PTPRG: variants seen among roughly 807,000 people sequenced by gnomAD.
PTPRG encodes protein tyrosine phosphatase receptor type G.
PTPRG carries 102 observed loss-of-function variants against 165.3 expected under a neutral mutation model. The ratio of observed to expected loss-of-function variants is 0.62; its 90% CI spans 0.53 to 0.73. The LOEUF (loss-of-function observed/expected upper bound fraction) is 0.73. Among genes scored for constraint, PTPRG ranks in the 30% least tolerant of loss-of-function variants. PTPRG has a pLI of 0.00. For missense variants in PTPRG, 1,866 were observed against 1,861.4 expected, an observed-to-expected ratio of 1.00 and a Z score of -0.05; for synonymous variants, 675 against 669.5, an observed-to-expected ratio of 1.01 and a Z score of -0.13.
chr3:62,059,701 A>T (rs902644649), intron 4 of PTPRG, among the ~76,000 whole-genome samples: 2 of 152,052 alleles, frequency 1.3e-5, no homozygotes, highest in East Asian at 3.9e-4. Context: ...CCCAAATCTC[A>T]TCTTGAATTA....
At chr3:62,238,011 G>T (rs1031565340) in intron 14 of PTPRG, among the ~76,000 whole-genome samples, 1 of 152,222 alleles carries the variant, frequency 6.6e-6, no homozygotes, top group African/African-American at 2.4e-5. Context: ...CTATAGAAAT[G>T]TGCATATATC....
At chr3:62,174,825 C>T (rs1705353178) in intron 8 of PTPRG, among the ~76,000 whole-genome samples, 1 of 152,122 alleles carries the variant, frequency 6.6e-6, no homozygotes, top group Non-Finnish European at 1.5e-5. Flanking sequence ...AGCTGCCCTC[C>T]TAGAAACTCT....
chr3:61,981,018 G>T (rs986990514), intron 2 of PTPRG, among the ~76,000 whole-genome samples: 2 of 152,090 alleles, frequency 1.3e-5, no homozygotes, highest in Admixed American at 1.3e-4. Context: ...CTTGAGACTG[G>T]GTAATTTATA....
At chr3:62,052,660 A>G (rs148377455) in intron 4 of PTPRG, among the ~76,000 whole-genome samples, 15,688 of 151,996 alleles carry the variant, frequency 0.1, 1,031 homozygotes, top group Middle Eastern at 0.22. Flanking sequence ...GTACCACTGC[A>G]CTCCAGCCTG....
intron 1 of PTPRG, among the ~76,000 whole-genome samples, chr3:61,570,649 T>C (rs895686414): frequency 4.6e-5 from 7 of 152,174 alleles, no homozygotes; most frequent in African/African-American, 1.7e-4. Flanking sequence ...TGTTCATTAA[T>C]TGGGAATGAT....
In PTPRG at chr3:62,163,906, A is replaced by C. The variant is rs1307436681; in HGVS notation, c.841-4065A>C. 3.3e-5 allele frequency among the ~76,000 whole-genome samples: 5 copies of C among 152,260 alleles called. No individual in the cohort carries two copies. The East Asian group carries it at 9.6e-4, about 29-fold the overall frequency. On this transcript the variant is annotated intron_variant, in intron 7 of 29. Transcript: ENST00000474889. ...GGTTTAAAAACAGGATTTTGTACCC[A>C]GGTAGCAGGGGTAAGGGTTTTGAAT... is the stretch of plus-strand genomic sequence containing the variant.
intron 4 of PTPRG, among the ~76,000 whole-genome samples, chr3:62,004,365 C>T (rs759669113): frequency 1.3e-5 from 2 of 152,058 alleles, no homozygotes; most frequent in Non-Finnish European, 2.9e-5. Flanking sequence ...AGAAATTGAC[C>T]CTTCTGCTCT....
chr3:62,165,876 T>G lies in PTPRG; in HGVS notation c.841-2095T>G, dbSNP rs1210256169. ...GCAGGTCATTTTCTGTGTCATTCTC[T>G]GAGGCTGTTTGAGAAACAGTGGGGG... On this transcript the variant is annotated intron_variant, in intron 7 of 29. Transcript: ENST00000474889. Among the ~76,000 whole-genome samples the G allele has an allele frequency of 2.0e-5, 3 of 152,192 alleles. No individual in the cohort carries two copies. In the East Asian group the frequency reaches 5.8e-4, roughly 29 times the overall value.
At chr3:61,653,078 T>G (rs967383816) in intron 1 of PTPRG, among the ~76,000 whole-genome samples, 1 of 152,184 alleles carries the variant, frequency 6.6e-6, no homozygotes, top group Admixed American at 6.5e-5. Flanking sequence ...AAAAGTAATT[T>G]TTTTTAAAAG....
intron 1 of PTPRG, among the ~76,000 whole-genome samples, chr3:61,700,532 T>G (rs1298169917): frequency 6.6e-6 from 1 of 152,208 alleles, no homozygotes; most frequent in Non-Finnish European, 1.5e-5. Context: ...GTTGCCTACT[T>G]TTATTACCCA....
chr3:62,031,825 G>A (rs1168549158), intron 4 of PTPRG, among the ~76,000 whole-genome samples: 1 of 152,128 alleles, frequency 6.6e-6, no homozygotes, highest in East Asian at 1.9e-4. Context: ...GTTTTGGTTT[G>A]TGCAACTAGG....
chr3:62,203,185 C>T lies in PTPRG; in HGVS notation c.1390C>T (p.Pro464Ser). 6 of 1,593,070 alleles carry T rather than the reference C, an allele frequency of 3.8e-6. No homozygotes were observed. Among genetic ancestry groups the T allele is most frequent in the Non-Finnish European group, 4.3e-6 (5 of 1,166,360 alleles). ...IVKTGVPTAS[P>S]ASSADMAPIS... is the part of the protein sequence containing the mutation. ...TGACCCTTTCCAGCCCACAGCGTCT[C>T]CTGCCTCTTCAGCCGACATGGCCCC... Residue 464 changes from proline to serine, a missense_variant, in exon 12 of 30, where the codon CCT (proline) becomes TCT (serine). Pro to Ser is a moderately conservative substitution (Grantham distance 74). Around this residue, in one of 3 missense-constraint regions of PTPRG, gnomAD observed 1,452 missense variants for 1,463.0 expected, o/e 0.99. Coordinates refer to ENST00000474889, the MANE Select transcript of PTPRG (RefSeq NM_002841.4). The surrounding 1 kb of genome is among the most constrained non-coding windows in gnomAD (Gnocchi z 6.4).
At chr3:61,912,321 G>A (rs1212421962) in intron 2 of PTPRG, among the ~76,000 whole-genome samples, 1 of 152,180 alleles carries the variant, frequency 6.6e-6, no homozygotes, top group East Asian at 1.9e-4. Context: ...GTGAGAACTA[G>A]CCCACTGAGA....
chr3:61,897,545 C>T (rs185174657), intron 2 of PTPRG, among the ~76,000 whole-genome samples: 9 of 152,216 alleles, frequency 5.9e-5, no homozygotes, highest in African/African-American at 2.2e-4. Context: ...ATTGTTCTGT[C>T]AAGATTTTTG....
At chr3:62,202,152 A>G (rs1700109391) in intron 11 of PTPRG, among the ~76,000 whole-genome samples, 2 of 152,152 alleles carry the variant, frequency 1.3e-5, no homozygotes, top group African/African-American at 4.8e-5. Context: ...AGTTAAAGTA[A>G]TGTGTCCAGC....
At chr3:61,602,041 T>C (rs1400897789) in intron 1 of PTPRG, among the ~76,000 whole-genome samples, 1 of 152,196 alleles carries the variant, frequency 6.6e-6, no homozygotes, top group African/African-American at 2.4e-5. Context: ...GTGGTGGAAT[T>C]CCCAGCCTGT....
chr3:62,138,973 C>T (rs913871130), intron 6 of PTPRG, among the ~76,000 whole-genome samples: 5 of 152,144 alleles, frequency 3.3e-5, no homozygotes, highest in Admixed American at 2.0e-4. Flanking sequence ...TTGTGTCAGT[C>T]GTCTAAAACG....
chr3:61,869,789 T>C (rs1575737924), intron 2 of PTPRG, among the ~76,000 whole-genome samples: 1 of 151,030 alleles, frequency 6.6e-6, no homozygotes, highest in Admixed American at 6.6e-5. Flanking sequence ...TTTGCAGAGA[T>C]GAGGTTTTCC....
intron 5 of PTPRG, among the ~76,000 whole-genome samples, chr3:62,083,661 T>A (rs1181193214): frequency 6.6e-6 from 1 of 152,214 alleles, no homozygotes; most frequent in East Asian, 1.9e-4. Context: ...GAGTACCCAA[T>A]ACTTACAATG....
Sources: gnomAD v4.1 joint callset for allele counts (sites outside exome capture counted in the v4.1 genomes callset) on GRCh38, gnomAD v4.1.1 for gene constraint, gnomAD v4.1.1 regional missense constraint, Gnocchi (gnomAD v3.1) non-coding constraint, MANE v1.5 for transcripts, NCBI Gene and HGNC (gene_info 2026-07-23, HGNC 2026-07-21) for gene names.